The following SYTL2 variants were observed in gnomAD, a reference collection of about 807,000 sequenced individuals.
SYTL2 encodes synaptotagmin like 2, also known as synaptotagmin-like protein 2.
A neutral mutation model predicts 198.7 loss-of-function variants in SYTL2; 165 were observed. The ratio of observed to expected loss-of-function variants is 0.83; its 90% CI spans 0.73 to 0.94. The LOEUF (loss-of-function observed/expected upper bound fraction) is 0.94, where lower values mean the gene tolerates loss of function less well. Ranked by LOEUF, SYTL2 falls within the 40% of genes least tolerant of loss-of-function variation. The pLI, the probability that SYTL2 is intolerant of heterozygous loss-of-function variation, is 0.00. For missense variants in SYTL2, 2,835 were observed against 2,582.8 expected (o/e 1.10, Z -2.12); for synonymous variants, 966 against 917.7 (o/e 1.05, Z -0.95).
At chr11:85,819,350 AT>A in the SYTL2 span, among the ~76,000 whole-genome samples, 4 of 152,216 alleles carry the variant, frequency 2.6e-5, no homozygotes, top group African/African-American at 9.6e-5. Context: ...CAGTGGTCAA[AT>A]GATGATTTAT....
chr11:85,808,405 T>A (rs978616195), intron 1 of SYTL2, among the ~76,000 whole-genome samples: 1 of 152,174 alleles, frequency 6.6e-6, no homozygotes, highest in African/African-American at 2.4e-5. Flanking sequence ...TATATTTTTT[T>A]CTACAATGAA....
the SYTL2 span, among the ~76,000 whole-genome samples, chr11:85,839,872 A>T: frequency 6.6e-6 from 1 of 152,192 alleles, no homozygotes; most frequent in African/African-American, 2.4e-5. Flanking sequence ...TGTTCTCCAT[A>T]GTGGTTGTAC....
At chr11:85,748,154 T>G (rs2091284074) in intron 3 of SYTL2, 118 bp downstream of exon 3, 1 of 1,198,708 alleles carries the variant, frequency 8.3e-7, no homozygotes, top group Admixed American at 2.1e-5. Context: ...GGCCACACAT[T>G]ATGAAAAGTG....
At chr11:85,812,309 A>G (rs1328308690), upstream of SYTL2, among the ~76,000 whole-genome samples, 2 of 152,010 alleles carry the variant, frequency 1.3e-5, no homozygotes, top group Non-Finnish European at 2.9e-5. Flanking sequence ...CCTTCTCCCA[A>G]ACTTACAAAT....
intron 1 of SYTL2, among the ~76,000 whole-genome samples, chr11:85,793,903 CTA>C (rs2092766924): frequency 6.6e-6 from 1 of 152,170 alleles, no homozygotes; most frequent in African/African-American, 2.4e-5. Flanking sequence ...TTAAATATAA[CTA>C]TGTGGTATGA....
chr11:85,722,758 A>G (rs1190041733), intron 8 of SYTL2, among the ~76,000 whole-genome samples: 2 of 152,032 alleles, frequency 1.3e-5, no homozygotes, highest in Non-Finnish European at 2.9e-5. Context: ...TTAGAGATTT[A>G]TAAATAAATA....
At chr11:85,712,841 C>A (rs2086557226) in intron 12 of SYTL2, among the ~76,000 whole-genome samples, 1 of 152,034 alleles carries the variant, frequency 6.6e-6, no homozygotes, top group South Asian at 2.1e-4. Context: ...CTTACCCTCT[C>A]AAGTAGCTGG....
chr11:85,727,113 G>T lies in SYTL2; in HGVS notation c.2245C>A (p.Pro749Thr). The change falls in exon 8 of 20, where the codon CCA becomes ACA. Residue 749 changes from proline to threonine, a missense_variant. Physicochemically the swap from Pro to Thr is conservative, Grantham distance 38. Around this residue, in one of 3 missense-constraint regions of SYTL2, gnomAD observed 2,645 missense variants for 2,381.7 expected, o/e 1.11. Coordinates refer to ENST00000359152, the MANE Select transcript of SYTL2 (RefSeq NM_206927.4). ...CCAGGTGTTGACTTAATATTCTCTG[G>T]CTCTAAGGAGGCTTTCAGGATATAG... ...NTYILKASLE[P>T]ENIKSTPGVA... 2.0e-6 allele frequency: 3 copies of T among 1,535,870 alleles called. No individual in the cohort carries two copies. Among genetic ancestry groups the T allele is most frequent in the Non-Finnish European group, 2.6e-6 (3 of 1,146,790 alleles).
In SYTL2 at chr11:85,727,633, G is replaced by C; in HGVS notation, c.1725C>G (p.Thr575=). 6.5e-7 allele frequency: 1 copy of C among 1,536,070 alleles called. No homozygotes were observed. The highest frequency in any genetic ancestry group is 8.7e-7 in the Non-Finnish European group (1 of 1,146,806). The change falls in exon 8 of 20, where the codon ACC becomes ACG. Residue 575 remains threonine, a synonymous_variant. Coordinates refer to ENST00000359152, the MANE Select transcript of SYTL2 (RefSeq NM_206927.4). ...DTTLRENGSK[T]LSPSKIELKP... is the part of the protein sequence containing the mutation. ...TCAATTCAATTTTGCTGGGTGATAG[G>C]GTCTTTGAGCCATTTTCTCTTAAAG...
At chr11:85,713,574 C>G (rs1375732849) in intron 12 of SYTL2, among the ~76,000 whole-genome samples, 1 of 152,098 alleles carries the variant, frequency 6.6e-6, no homozygotes, top group Non-Finnish European at 1.5e-5. Context: ...TTAATTAAGT[C>G]AAAGGACCTG....
chr11:85,733,413 C>T (rs1382437580), intron 7 of SYTL2, among the ~76,000 whole-genome samples: 1 of 152,036 alleles, frequency 6.6e-6, no homozygotes, highest in Admixed American at 6.5e-5. Flanking sequence ...GGGCCAGAAA[C>T]TGTGCTATCC....
the SYTL2 span, among the ~76,000 whole-genome samples, chr11:85,839,009 G>A: frequency 3.3e-5 from 5 of 152,098 alleles, no homozygotes; most frequent in Admixed American, 3.3e-4. Context: ...AGAATACTAA[G>A]ACTATAGATG....
rs78116122 is a variant in SYTL2 at position 85,763,809 on chromosome 11, C to T, written c.-389-5695G>A. Among the ~76,000 whole-genome samples, 1,201 of 152,268 alleles carry T rather than the reference C, an allele frequency of 7.9e-3. 11 individuals are homozygous for T. The highest frequency in any genetic ancestry group is 0.026 in the African/African-American group (1,081 of 41,528). ...GATCAACAAGAAGGCTCATCCCCAC[C>T]GGAACACTTACGAAACCATTGTGCA... On this transcript the variant is annotated intron_variant, in intron 1 of 19. Transcript: ENST00000359152.
chr11:85,720,379 C>T (rs1475288030), intron 9 of SYTL2, among the ~76,000 whole-genome samples: 2 of 152,140 alleles, frequency 1.3e-5, no homozygotes, highest in African/African-American at 2.4e-5. Context: ...CCGTGTAATA[C>T]TAAAAAGGTC....
intron 1 of SYTL2, among the ~76,000 whole-genome samples, chr11:85,782,674 A>T (rs79518475): frequency 2.6e-5 from 4 of 152,222 alleles, no homozygotes; most frequent in South Asian, 4.1e-4. Context: ...TTCAGGTCAC[A>T]TCTTGAACAC....
chr11:85,759,306 G>A (rs1485023155), intron 1 of SYTL2, among the ~76,000 whole-genome samples: 1 of 149,404 alleles, frequency 6.7e-6, no homozygotes, highest in East Asian at 1.9e-4. Flanking sequence ...GAATAAAACA[G>A]TATGTACATT....
upstream of SYTL2, chr11:85,811,203 G>C (rs2093028108): frequency 1.3e-5 from 2 of 151,668 alleles, no homozygotes; most frequent in African/African-American, 4.8e-5. Flanking sequence ...CGGGCGGTGC[G>C]GTGGGGCCGG....
At chr11:85,738,226 G>T (rs867534622) in intron 4 of SYTL2, among the ~76,000 whole-genome samples, 13 of 152,218 alleles carry the variant, frequency 8.5e-5, no homozygotes, top group Middle Eastern at 3.4e-3. Flanking sequence ...TAAAACCATG[G>T]GCTAGATGTT....
At chr11:85,848,688 A>G in the SYTL2 span, among the ~76,000 whole-genome samples, 1 of 152,244 alleles carries the variant, frequency 6.6e-6, no homozygotes, top group Admixed American at 6.5e-5. Context: ...TTAAAACTAT[A>G]GCAAGCAGGC....
Sources: gnomAD v4.1 joint callset for allele counts (sites outside exome capture counted in the v4.1 genomes callset) on GRCh38, gnomAD v4.1.1 for gene constraint, gnomAD v4.1.1 regional missense constraint, MANE v1.5 for transcripts, NCBI Gene and HGNC (gene_info 2026-07-23, HGNC 2026-07-21) for gene names.